The following IFIH1 variants were observed in gnomAD, a reference collection of about 807,000 sequenced individuals.
The protein encoded by IFIH1 is interferon-induced helicase C domain-containing protein 1.
In IFIH1, 125 loss-of-function variants were observed where a neutral mutation model predicts 107.4. The observed-to-expected ratio is 1.16, with a 90% CI of 1.01 to 1.35. The LOEUF (loss-of-function observed/expected upper bound fraction) is 1.35, where lower values mean the gene tolerates loss of function less well. Ranked by LOEUF, IFIH1 falls within the 40% of genes most tolerant of loss-of-function variation. IFIH1 has a pLI of 0.00. For missense variants in IFIH1, 1,333 were observed against 1,213.7 expected (o/e 1.10, Z -1.46); for synonymous variants, 458 against 413.2 (o/e 1.11, Z -1.31).
Position 162,280,093 on chromosome 2 carries a change from G to A in IFIH1, c.1544C>T (p.Ala515Val). ...HILKLCANLD[A>V]FTIKTVKENL... ...TTCTTTAACAGTTTTAATAGTAAAT[G>A]CATCAAGATTGGCACATAGCTGGAA... Residue 515 changes from alanine to valine, a missense_variant, in exon 8 of 16, where the codon GCA becomes GTA. Transcript: ENST00000649979. The A allele has an allele frequency of 3.8e-6, 6 of 1,581,492 alleles. No individual in the cohort carries two copies. The highest frequency in any genetic ancestry group is 5.2e-6 in the Non-Finnish European group (6 of 1,152,200).
chr2:162,290,723 G>T (rs1682982203), intron 4 of IFIH1, among the ~76,000 whole-genome samples: 1 of 151,910 alleles, frequency 6.6e-6, no homozygotes, highest in African/African-American at 2.4e-5. Context: ...AAGACTAGGA[G>T]ATTTGATAGG....
At position 162,318,362 on chromosome 2, in the gene IFIH1, G is replaced by A. The variant is rs1683557409; in HGVS notation, c.-55C>T. 1.4e-6 allele frequency: 2 copies of A among 1,444,090 alleles called. No individual in the cohort carries two copies. Among genetic ancestry groups the A allele is most frequent in the Non-Finnish European group, 1.9e-6 (2 of 1,040,190 alleles). The allele number at this position is 1,444,090 out of a possible 1,614,324, so 89.5% of individuals were successfully genotyped here. Reference sequence around the variant, plus strand: ...TCCCAAGCAGATGGTGCTGTTGTCTGCGGGACAGGTGAAATGTGCGTGCCG... The same window carrying A: ...TCCCAAGCAGATGGTGCTGTTGTCTACGGGACAGGTGAAATGTGCGTGCCG... On this transcript the variant is annotated 5_prime_UTR_variant, in exon 1 of 16. Transcript: ENST00000649979.
intron 1 of IFIH1, among the ~76,000 whole-genome samples, chr2:162,313,679 A>G (rs1408378953): frequency 6.6e-6 from 1 of 152,212 alleles, no homozygotes; most frequent in Non-Finnish European, 1.5e-5. Flanking sequence ...AGCAGAGTTC[A>G]ACTCTCAGAT....
chr2:162,308,279 A>G (rs1278045547), intron 2 of IFIH1, among the ~76,000 whole-genome samples: 1 of 152,188 alleles, frequency 6.6e-6, no homozygotes, highest in Non-Finnish European at 1.5e-5. Context: ...CACACGGTTA[A>G]GAGAGAGAAA....
chr2:162,297,678 G>A (rs967598127), intron 3 of IFIH1, among the ~76,000 whole-genome samples: 1 of 152,118 alleles, frequency 6.6e-6, no homozygotes, highest in Non-Finnish European at 1.5e-5. Flanking sequence ...AAATATCAAA[G>A]CTAACTATGA....
At position 162,277,411 on chromosome 2, in the gene IFIH1, T is replaced by C; in HGVS notation, c.2044+4A>G. 6.2e-7 allele frequency: 1 copy of C among 1,601,448 alleles called. No homozygotes were observed. Among genetic ancestry groups the C allele is most frequent in the Non-Finnish European group, 8.5e-7 (1 of 1,170,428 alleles). On this transcript the variant is annotated splice_donor_region_variant and intron_variant, in intron 10 of 15. Transcript: ENST00000649979. Reference sequence around the variant, plus strand: ...ACACCAGTATATGTTACTTTGAATCTTACCAAAAAATAAAGTCATGAGAAA... The same window carrying C: ...ACACCAGTATATGTTACTTTGAATCCTACCAAAAAATAAAGTCATGAGAAA...
intron 4 of IFIH1, among the ~76,000 whole-genome samples, 174 bp from the exon 5 acceptor site, chr2:162,288,529 T>C (rs1169082850): frequency 6.6e-6 from 1 of 152,004 alleles, no homozygotes. Context: ...ATCTGCAGAA[T>C]ACAACACAGG....
intron 11 of IFIH1, 147 bp from the exon 12 acceptor site, chr2:162,274,091 T>A (rs944322189): frequency 1.8e-6 from 1 of 562,992 alleles, no homozygotes; most frequent in South Asian, 2.8e-5. Context: ...GTTTTTGGCA[T>A]TGAACAAAGA....
intron 1 of IFIH1, among the ~76,000 whole-genome samples, chr2:162,314,420 C>CTTTCTTTCTTTCTTTCTTTCTTTCT: frequency 2.9e-5 from 1 of 34,204 alleles, no homozygotes; most frequent in African/African-American, 1.9e-4. Context: ...TCTTTCTTTT[C>CTTTCTTTCTTTCTTTCTTTCTTTCT]TTTCTTTCTT....
chr2:162,317,963 G>A lies in IFIH1; in HGVS notation c.345C>T (p.Leu115=), dbSNP rs759576239. The part of the protein sequence containing the change: ...PSFENAHDEY[L]QLLNLLQPTL... ...TGGGCTGAAGGAGGTTCAGCAGTTG[G>A]AGATATTCATCATGAGCGTTCTCAA... The change falls in exon 1 of 16, where the codon CTC becomes CTT. Residue 115 remains leucine, a synonymous_variant. Coordinates refer to ENST00000649979, the MANE Select transcript of IFIH1 (RefSeq NM_022168.4). 1.2e-6 allele frequency: 2 copies of A among 1,614,218 alleles called. No homozygotes were observed. Among genetic ancestry groups the A allele is most frequent in the Admixed American group, 1.7e-5 (1 of 60,034 alleles).
At chr2:162,292,678 G>C (rs902685113) in intron 4 of IFIH1, among the ~76,000 whole-genome samples, 1 of 151,678 alleles carries the variant, frequency 6.6e-6, no homozygotes, top group Admixed American at 6.6e-5. Context: ...AAAGTAATGT[G>C]TTTCTTAATT....
intron 4 of IFIH1, among the ~76,000 whole-genome samples, chr2:162,290,607 G>A (rs1682980098): frequency 6.6e-6 from 1 of 151,844 alleles, no homozygotes; most frequent in Non-Finnish European, 1.5e-5. Flanking sequence ...CAATAATATA[G>A]TTGTTGTCCT....
At chr2:162,289,998 T>G (rs1164992390) in intron 4 of IFIH1, among the ~76,000 whole-genome samples, 1 of 151,936 alleles carries the variant, frequency 6.6e-6, no homozygotes, top group East Asian at 1.9e-4. Flanking sequence ...CCATGATATT[T>G]CACCTCTATT....
chr2:162,288,460 C>T, intron 4 of IFIH1, 105 bp from the exon 5 acceptor site: 6 of 728,090 alleles, frequency 8.2e-6, no homozygotes, highest in Non-Finnish European at 1.4e-5. Flanking sequence ...CTCCTTTTCA[C>T]ATGTGGTCCA....
At chr2:162,294,821 C>A (rs1294179100) in intron 3 of IFIH1, among the ~76,000 whole-genome samples, 1 of 151,656 alleles carries the variant, frequency 6.6e-6, no homozygotes, top group African/African-American at 2.4e-5. Context: ...AATGAGGTAG[C>A]TCTTAGCTAT....
Position 162,268,187 on chromosome 2 carries a change from T to A in IFIH1, c.2707A>T (p.Ile903Leu). 6.2e-7 allele frequency: 1 copy of A among 1,612,882 alleles called. No homozygotes were observed. ...CTGCAGTTTTTGCAAAGGAAAGTTA[T>A]TAGTGATGGGTTATTCTTGTAATGC... is the stretch of plus-strand genomic sequence containing the variant. ...AKHYKNNPSL[I>L]TFLCKNCSVL... The change falls in exon 14 of 16, where the codon ATA becomes TTA. Residue 903 changes from isoleucine to leucine, a missense_variant. Physicochemically the swap from Ile to Leu is conservative, Grantham distance 5. Transcript: ENST00000649979.
Position 162,288,400 on chromosome 2 carries a change from A to G in IFIH1, c.875-45T>C, listed in dbSNP as rs192415201. On this transcript the variant is annotated intron_variant, in intron 4 of 15. Transcript: ENST00000649979. Reference sequence around the variant, plus strand: ...AAAATAAGAGAAGGGACAACAAAATAACAGAGCTTAGGAAGCCTGAAACTG... The same window carrying G: ...AAAATAAGAGAAGGGACAACAAAATGACAGAGCTTAGGAAGCCTGAAACTG... The G allele has an allele frequency of 7.5e-6, 11 of 1,458,212 alleles. No homozygotes were observed. The East Asian group carries it at 2.5e-4, about 33-fold the overall frequency. The allele number at this position is 1,458,212 out of a possible 1,614,324, so 90.3% of individuals were successfully genotyped here. A position where few individuals can be genotyped will look rare whatever the true frequency, so the allele number is the denominator to read the frequency against.
rs1682780329 is a variant in IFIH1, at chr2:162,280,176, G to T, written c.1525-64C>A. ...TTTCCCTTTCACTTTATTCAACGTA[G>T]AACTCTTTTTCATGTAAAAAATATG... On this transcript the variant is annotated intron_variant, in intron 7 of 15. Coordinates refer to ENST00000649979, the MANE Select transcript of IFIH1 (RefSeq NM_022168.4). The T allele has an allele frequency of 2.3e-6, 2 of 865,346 alleles. 1 individual carries two copies. Among genetic ancestry groups the T allele is most frequent in the Middle Eastern group, 6.7e-4 (2 of 2,998 alleles). The allele number at this position is 865,346 out of a possible 1,614,324, so 53.6% of individuals were successfully genotyped here.
chr2:162,315,687 G>A (rs1015698706), intron 1 of IFIH1, among the ~76,000 whole-genome samples: 2 of 152,164 alleles, frequency 1.3e-5, no homozygotes, highest in African/African-American at 4.8e-5. Context: ...AAGCCAAGAT[G>A]GACCTCAAAT....
Sources: allele counts gnomAD v4.1 joint callset (sites outside exome capture counted in the v4.1 genomes callset), GRCh38; gene constraint gnomAD v4.1.1; transcripts MANE v1.5; gene names NCBI Gene and HGNC (gene_info 2026-07-23, HGNC 2026-07-21).